CLHC1: variants seen among roughly 807,000 people sequenced by gnomAD.
CLHC1 encodes clathrin heavy chain linker domain containing 1.
A neutral mutation model predicts 69.5 loss-of-function variants in CLHC1; 72 were observed. The observed-to-expected ratio is 1.04, with a 90% confidence interval of 0.86 to 1.26. CLHC1 has a LOEUF of 1.26. Ranked by LOEUF, CLHC1 falls within the 50% of genes most tolerant of loss-of-function variation. The pLI is 0.00. For synonymous variants in CLHC1, 223 were observed against 224.3 expected (o/e 0.99, Z 0.05); for missense variants, 790 against 679.3 (o/e 1.16, Z -1.81).
chr2:55,231,217 T>G (rs188287514), intron 1 of CLHC1, among the ~76,000 whole-genome samples: 26 of 142,778 alleles, frequency 1.8e-4, no homozygotes, highest in African/African-American at 5.6e-4. Context: ...GCCACTGCAC[T>G]CCAGCCTGGG....
rs562956243 is a variant in CLHC1, at chr2:55,178,877, T to G, written c.1385-1096A>C. On this transcript the variant is annotated intron_variant, in intron 11 of 12. Transcript: ENST00000401408. The stretch of plus-strand genomic sequence containing the variant: ...CTACTCTTGAACTCCTCGTCTCCCT[T>G]TTTCTTACTACATTTCAAAATCCAT... Among the ~76,000 whole-genome samples, 3 of 151,544 alleles carry G rather than the reference T, an allele frequency of 2.0e-5. No homozygotes were observed. In the East Asian group the frequency reaches 5.8e-4, roughly 29 times the overall value.
intron 5 of CLHC1, among the ~76,000 whole-genome samples, chr2:55,210,062 T>C (rs1672836651): frequency 1.3e-5 from 2 of 152,204 alleles, no homozygotes; most frequent in African/African-American, 2.4e-5. Context: ...TCTTGTTATG[T>C]TGCCCAGGCT....
At chr2:55,205,316 T>A (rs1407769865) in intron 9 of CLHC1, among the ~76,000 whole-genome samples, 1 of 152,042 alleles carries the variant, frequency 6.6e-6, no homozygotes, top group Non-Finnish European at 1.5e-5. Context: ...CCTGCATTCA[T>A]TATGTTTATC....
chr2:55,180,745 G>C (rs370205929), intron 10 of CLHC1, 33 bp from the exon 11 acceptor site: 2 of 1,562,756 alleles, frequency 1.3e-6, no homozygotes, highest in South Asian at 2.2e-5. Flanking sequence ...ACATATGTTA[G>C]AAAATTCCTG....
At chr2:55,180,935 G>A (rs575006110) in intron 10 of CLHC1, among the ~76,000 whole-genome samples, 9 of 152,234 alleles carry the variant, frequency 5.9e-5, no homozygotes, top group Admixed American at 2.0e-4. Flanking sequence ...TTGGAATGTA[G>A]TGGTGTATTT....
chr2:55,204,132 A>C (rs1672217132), intron 9 of CLHC1, among the ~76,000 whole-genome samples: 2 of 152,148 alleles, frequency 1.3e-5, no homozygotes, highest in Admixed American at 1.3e-4. Context: ...TAAAAATACA[A>C]AATTAGCTGG....
At position 55,202,584 on chromosome 2, in the gene CLHC1, A is replaced by C. The variant is rs542037124; in HGVS notation, c.1006+3686T>G. Among the ~76,000 whole-genome samples the C allele has an allele frequency of 2.0e-5, 3 of 151,022 alleles. No homozygotes were observed. In the East Asian group the frequency reaches 5.9e-4, roughly 30 times the overall value. ...AAAAAAAAAAAAAGTAAAAGAAAAA[A>C]ATCTAGAGACTCCACCAAAAAACTA... On this transcript the variant is annotated intron_variant, in intron 9 of 12. Coordinates refer to ENST00000401408, the MANE Select transcript of CLHC1 (RefSeq NM_152385.4).
intron 9 of CLHC1, among the ~76,000 whole-genome samples, chr2:55,197,632 G>A (rs910141186): frequency 6.6e-6 from 1 of 152,168 alleles, no homozygotes; most frequent in Non-Finnish European, 1.5e-5. Context: ...AACCGCAAAG[G>A]TGGTACCTCT....
chr2:55,220,916 C>A (rs983641099), intron 3 of CLHC1, among the ~76,000 whole-genome samples: 5 of 152,040 alleles, frequency 3.3e-5, no homozygotes, highest in African/African-American at 1.2e-4. Context: ...AGCTAACCTG[C>A]CAATGTACCA....
chr2:55,173,494 G>A lies in CLHC1; in HGVS notation c.*2296C>T, dbSNP rs1401333463. Among the ~76,000 whole-genome samples the A allele has an allele frequency of 1.3e-5, 2 of 152,162 alleles. No individual in the cohort carries two copies. Among genetic ancestry groups the A allele is most frequent in the African/African-American group, 4.8e-5 (2 of 41,438 alleles). On this transcript the variant is annotated 3_prime_UTR_variant, in exon 13 of 13. Coordinates refer to ENST00000401408, the MANE Select transcript of CLHC1 (RefSeq NM_152385.4). Reference sequence around the variant, plus strand: ...ACCTTTTCAGAATTACTGAATTTTAGAGTTGGAAATGACAAGAGGAGGTAT... The same window carrying A: ...ACCTTTTCAGAATTACTGAATTTTAAAGTTGGAAATGACAAGAGGAGGTAT...
At chr2:55,200,415 C>G (rs1671840656) in intron 9 of CLHC1, among the ~76,000 whole-genome samples, 1 of 151,812 alleles carries the variant, frequency 6.6e-6, no homozygotes, top group Admixed American at 6.6e-5. Flanking sequence ...AAGACAAAAA[C>G]TATAAAAAGA....
intron 9 of CLHC1, among the ~76,000 whole-genome samples, chr2:55,200,392 C>T (rs1671838287): frequency 1.3e-5 from 2 of 151,386 alleles, no homozygotes; most frequent in African/African-American, 4.9e-5. Context: ...CAGAAGTAGA[C>T]AAAATAGATT....
Position 55,174,274 on chromosome 2 carries a change from G to A in CLHC1, c.*1516C>T, listed in dbSNP as rs1209324203. On this transcript the variant is annotated 3_prime_UTR_variant, in exon 13 of 13. Coordinates refer to ENST00000401408, the MANE Select transcript of CLHC1 (RefSeq NM_152385.4). ...CCAGTATTCTATTTAGCACCAAATG[G>A]AAAAATTAAAAACTCAGCTTGAATG... Among the ~76,000 whole-genome samples the A allele has an allele frequency of 6.6e-6, 1 of 152,080 alleles. No individual in the cohort carries two copies. Among genetic ancestry groups the A allele is most frequent in the Admixed American group, 6.5e-5 (1 of 15,276 alleles).
chr2:55,219,039 T>C (rs1367991923), intron 3 of CLHC1, among the ~76,000 whole-genome samples: 2 of 152,202 alleles, frequency 1.3e-5, no homozygotes, highest in Non-Finnish European at 2.9e-5. Context: ...GGAGAGGATA[T>C]TTGAGTGGGT....
intron 9 of CLHC1, among the ~76,000 whole-genome samples, chr2:55,190,296 C>A (rs1381942504): frequency 5.3e-5 from 8 of 152,090 alleles, no homozygotes. Flanking sequence ...ATCCACCTGC[C>A]TCAGCCTCCC....
chr2:55,181,048 T>A (rs975237493), intron 10 of CLHC1, among the ~76,000 whole-genome samples: 7 of 152,174 alleles, frequency 4.6e-5, no homozygotes, highest in Non-Finnish European at 1.0e-4. Context: ...TGGCGCGATC[T>A]CGTCTCACTG....
intron 9 of CLHC1, among the ~76,000 whole-genome samples, chr2:55,191,236 T>G (rs944424934): frequency 2.0e-5 from 3 of 152,204 alleles, no homozygotes; most frequent in Non-Finnish European, 4.4e-5. Context: ...TGATGCCAGA[T>G]GGAAAAATAT....
rs540282578 is a variant in CLHC1 at position 55,210,225 on chromosome 2, C to T, written c.500-394G>A. Among the ~76,000 whole-genome samples, 20 of 151,302 alleles carry T rather than the reference C, an allele frequency of 1.3e-4. No individual in the cohort carries two copies. In the South Asian group the frequency reaches 3.1e-3, roughly 24 times the overall value. On this transcript the variant is annotated intron_variant, in intron 5 of 12. Transcript: ENST00000401408. ...ATTTTTATTTTTTTTGAGATGGAGT[C>T]GCACTCTGTCGCCCAGGCTGGAGTG...
chr2:55,194,512 C>T (rs1477793629), intron 9 of CLHC1, among the ~76,000 whole-genome samples: 3 of 151,774 alleles, frequency 2.0e-5, no homozygotes, highest in Non-Finnish European at 4.4e-5. Flanking sequence ...CCTTTTATCA[C>T]TTCTATTCAA....
Sources: gnomAD v4.1 joint callset for allele counts (sites outside exome capture counted in the v4.1 genomes callset) on GRCh38, gnomAD v4.1.1 for gene constraint, MANE v1.5 for transcripts, NCBI Gene and HGNC (gene_info 2026-07-23, HGNC 2026-07-21) for gene names.